The following CAPN3 variants were observed in gnomAD, a reference collection of about 807,000 sequenced individuals.
CAPN3 encodes the protein calpain-3.
CAPN3 carries 88 observed loss-of-function variants against 114.0 expected under a neutral mutation model. The ratio of observed to expected loss-of-function variants is 0.77; its 90% CI spans 0.65 to 0.92. The LOEUF is 0.92. Among genes scored for constraint, CAPN3 ranks in the 40% least tolerant of loss-of-function variants. CAPN3 has a pLI of 0.00. For synonymous variants in CAPN3, 386 were observed against 382.9 expected, an observed-to-expected ratio of 1.01 and a Z score of -0.09; for missense variants, 1,028 against 1,069.0, an observed-to-expected ratio of 0.96 and a Z score of 0.53.
intron 1 of CAPN3, 79 bp from the exon 2 acceptor site, chr15:42,384,404 C>T (rs1160516724): frequency 4.8e-6 from 5 of 1,039,176 alleles, no homozygotes; most frequent in Admixed American, 1.7e-5. Flanking sequence ...GAGTGAGACT[C>T]CGTCTCAAAA....
intron 9 of CAPN3, among the ~76,000 whole-genome samples, chr15:42,397,623 G>A (rs1437839893): frequency 4.7e-5 from 7 of 149,600 alleles, no homozygotes; most frequent in African/African-American, 1.7e-4. Context: ...CAGCCTGGGC[G>A]ACAAGAGAGA....
At chr15:42,376,899 A>G (rs1049923499) in intron 1 of CAPN3, among the ~76,000 whole-genome samples, 5 of 152,232 alleles carry the variant, frequency 3.3e-5, no homozygotes, top group Non-Finnish European at 7.3e-5. Context: ...TCACACTGAC[A>G]TAACTAAATA....
chr15:42,396,371 T>C (rs2053690633), intron 8 of CAPN3, among the ~76,000 whole-genome samples: 1 of 151,820 alleles, frequency 6.6e-6, no homozygotes, highest in Non-Finnish European at 1.5e-5. Context: ...GCCTCCTGAG[T>C]AGCTGAGACT....
intron 8 of CAPN3, among the ~76,000 whole-genome samples, chr15:42,394,983 C>T (rs892521667): frequency 1.3e-5 from 2 of 152,150 alleles, no homozygotes; most frequent in Non-Finnish European, 2.9e-5. Context: ...ACTGAATGAG[C>T]CATAAGCGCC....
At position 42,399,518 on chromosome 15, in the gene CAPN3, A is replaced by G. The variant is rs779888851; in HGVS notation, c.1220A>G (p.His407Arg). ...FWMSYEDFIYHFTKLEICNLT... is the reference protein window; with the variant it reads ...FWMSYEDFIYRFTKLEICNLT... ...ATGTCCTATGAGGATTTCATCTACCATTTCACAAAGTTGGAGATCTGCAAC... is the reference window on the plus strand; with the variant it reads ...ATGTCCTATGAGGATTTCATCTACCGTTTCACAAAGTTGGAGATCTGCAAC... The change falls in exon 10 of 24, where the codon CAT becomes CGT. Residue 407 changes from histidine to arginine, a missense_variant. Physicochemically the swap from His to Arg is conservative, Grantham distance 29. Transcript: ENST00000397163. 5.6e-6 allele frequency: 9 copies of G among 1,613,782 alleles called. No homozygotes were observed. The highest frequency in any genetic ancestry group is 3.3e-4 in the Middle Eastern group (2 of 6,060).
Position 42,401,799 on chromosome 15 carries a change from G to A in CAPN3, c.1513G>A (p.Ala505Thr), listed in dbSNP as rs1555422133. 7 of 1,613,184 alleles carry A rather than the reference G, an allele frequency of 4.3e-6. No individual in the cohort carries two copies. The highest frequency in any genetic ancestry group is 1.1e-5 in the South Asian group (1 of 90,930). The change falls in exon 11 of 24, where the codon GCC (alanine) becomes ACC (threonine). Residue 505 changes from alanine to threonine, a missense_variant. Physicochemically the swap from Ala to Thr is moderately conservative, Grantham distance 58. Transcript: ENST00000397163. ...LGASLFTIGF[A>T]IYEVPKEMHG... ...GGCCAGTCTCTTCACCATTGGCTTCGCCATCTACGAGGTGTGCAGTCCTGA... is the reference window on the plus strand; with the variant it reads ...GGCCAGTCTCTTCACCATTGGCTTCACCATCTACGAGGTGTGCAGTCCTGA...
At chr15:42,403,659 C>G in intron 13 of CAPN3, 82 bp from the exon 14 acceptor site, 1 of 1,315,694 alleles carries the variant, frequency 7.6e-7, no homozygotes, top group Non-Finnish European at 1.1e-6. Flanking sequence ...TGCCAGGAAG[C>G]CGTGCACCAG....
At chr15:42,366,883 G>C (rs1487221106) in intron 1 of CAPN3, among the ~76,000 whole-genome samples, 1 of 146,102 alleles carries the variant, frequency 6.8e-6, no homozygotes, top group Non-Finnish European at 1.5e-5. Context: ...GCCCAGGCTG[G>C]AGTGCAGTGT....
chr15:42,388,572 G>T (rs371281427), intron 4 of CAPN3, among the ~76,000 whole-genome samples: 1 of 152,110 alleles, frequency 6.6e-6, no homozygotes, highest in Non-Finnish European at 1.5e-5. Flanking sequence ...CTCCCGAAGC[G>T]CTGGGATTGC....
rs886051149 is a variant in CAPN3, at chr15:42,411,943, G to C, written c.*170G>C. On this transcript the variant is annotated 3_prime_UTR_variant, in exon 24 of 24. Transcript: ENST00000397163. ...TTTTACCCCCTACCCATCCTTGATC[G>C]GTCATGCCTAGCCTGACCCTTTAGT... 1.3e-6 allele frequency: 2 copies of C among 1,538,588 alleles called. No homozygotes were observed. The highest frequency in any genetic ancestry group is 2.4e-5 in the East Asian group (1 of 41,048).
At chr15:42,385,672 C>T (rs1339599073) in intron 2 of CAPN3, 1 of 519,828 alleles carries the variant, frequency 1.9e-6, no homozygotes, top group African/African-American at 1.9e-5. Flanking sequence ...CTTACTGCCC[C>T]CTATAGACGG....
At chr15:42,409,906 T>C (rs750424001) in intron 18 of CAPN3, 25 bp from the exon 19 acceptor site, 1 of 1,612,476 alleles carries the variant, frequency 6.2e-7, no homozygotes, top group Non-Finnish European at 8.5e-7. Context: ...TCAAAGCAGC[T>C]CCTCACTCTT....
rs559902929 is a variant in CAPN3, at chr15:42,359,865, A to C, written c.60A>C (p.Pro20=). 1 of 1,614,164 alleles carries C rather than the reference A, an allele frequency of 6.2e-7. No individual in the cohort carries two copies. The highest frequency in any genetic ancestry group is 2.2e-5 in the East Asian group (1 of 44,888). ...APRTAAEPRS[P]GPVPHPAQSK... Reference sequence around the variant, plus strand: ...GGACAGCGGCTGAGCCCCGGTCCCCAGGGCCAGTTCCTCACCCGGCCCAGA... The same window carrying C: ...GGACAGCGGCTGAGCCCCGGTCCCCCGGGCCAGTTCCTCACCCGGCCCAGA... The change falls in exon 1 of 24, where the codon CCA becomes CCC. Residue 20 remains proline (P), a synonymous_variant. Coordinates refer to ENST00000397163, the MANE Select transcript of CAPN3 (RefSeq NM_000070.3).
chr15:42,411,000 A>C lies in CAPN3; in HGVS notation c.2380A>C (p.Arg794=). 6.2e-7 allele frequency: 1 copy of C among 1,607,826 alleles called. No homozygotes were observed. Among genetic ancestry groups the C allele is most frequent in the East Asian group, 2.2e-5 (1 of 44,850 alleles). The stretch of plus-strand genomic sequence containing the variant: ...CTTCGTTAGGCTGGAGGGCATGTTC[A>C]GTAAGTGGGAGAGGGGGGCTGCCCT... The part of the protein sequence containing the change: ...CCFVRLEGMF[R]AFHAFDKDGD... Residue 794 remains arginine (R), a splice_region_variant and synonymous_variant, in exon 22 of 24, where the codon AGA becomes CGA. Transcript: ENST00000397163.
Position 42,401,721 on chromosome 15 carries a change from A to G in CAPN3, c.1435A>G (p.Ser479Gly), listed in dbSNP as rs201736037. 1.0e-4 allele frequency: 166 copies of G among 1,614,052 alleles called. No individual in the cohort carries two copies. The highest frequency in any genetic ancestry group is 1.3e-4 in the Non-Finnish European group (159 of 1,180,030). The stretch of plus-strand genomic sequence containing the variant: ...CCCTGATGACTCGGAGGTGATTTGC[A>G]GCTTCCTGGTGGCCCTGATGCAGAA... ...DDPDDSEVIC[S>G]FLVALMQKNR... Residue 479 changes from serine to glycine, a missense_variant, in exon 11 of 24, where the codon AGC becomes GGC. Transcript: ENST00000397163.
chr15:42,369,868 TTC>T (rs1330634769), intron 1 of CAPN3, among the ~76,000 whole-genome samples: 1,589 of 142,774 alleles, frequency 0.011, 25 homozygotes, highest in African/African-American at 0.042. Flanking sequence ...CTTTCTTTCT[TTC>T]TTTTTTTTTT....
rs370313391 is a variant in CAPN3 at position 42,390,048 on chromosome 15, C to T, written c.897C>T (p.Leu299=). 6.2e-7 allele frequency: 1 copy of T among 1,614,100 alleles called. No homozygotes were observed. The highest frequency in any genetic ancestry group is 8.5e-7 in the Non-Finnish European group (1 of 1,180,016). Residue 299 remains leucine (L), a synonymous_variant, in exon 6 of 24, where the codon CTC becomes CTT. Transcript: ENST00000397163. ...RMVRNMDNSL[L]QDSDLDPRGS... Reference sequence around the variant, plus strand: ...TAAGGAATATGGATAACTCACTGCTCCAGGACTCAGACCTCGACCCCAGAG... The same window carrying T: ...TAAGGAATATGGATAACTCACTGCTTCAGGACTCAGACCTCGACCCCAGAG...
chr15:42,402,830 T>C lies in CAPN3; in HGVS notation c.1573T>C (p.Phe525Leu). 4 of 1,614,196 alleles carry C rather than the reference T, an allele frequency of 2.5e-6. No homozygotes were observed. The highest frequency in any genetic ancestry group is 3.4e-6 in the Non-Finnish European group (4 of 1,180,018). Reference protein sequence around the residue: ...GNKQHLQKDFFLYNASKARSK... With the variant: ...GNKQHLQKDFLLYNASKARSK... Reference sequence around the variant, plus strand: ...CAAGCAGCACCTGCAGAAGGACTTCTTCCTGTACAACGCCTCCAAGGCCAG... The same window carrying C: ...CAAGCAGCACCTGCAGAAGGACTTCCTCCTGTACAACGCCTCCAAGGCCAG... The change falls in exon 13 of 24, where the codon TTC becomes CTC. Residue 525 changes from phenylalanine (F) to leucine (L), a missense_variant. Phe to Leu is a conservative substitution (Grantham distance 22). Coordinates refer to ENST00000397163, the MANE Select transcript of CAPN3 (RefSeq NM_000070.3).
intron 1 of CAPN3, among the ~76,000 whole-genome samples, chr15:42,363,183 CTT>C (rs2141109521): frequency 6.6e-6 from 1 of 152,334 alleles, no homozygotes; most frequent in South Asian, 2.1e-4. Flanking sequence ...ACCTCACAGA[CTT>C]TCTTCCTCTA....
Sources: allele counts gnomAD v4.1 joint callset (sites outside exome capture counted in the v4.1 genomes callset), GRCh38; gene constraint gnomAD v4.1.1; transcripts MANE v1.5; gene names NCBI Gene and HGNC (gene_info 2026-07-23, HGNC 2026-07-21).